Variants in C2orf72 observed in about 807,000 individuals in gnomAD.
C2orf72 encodes uncharacterized protein C2orf72.
A neutral mutation model predicts 14.4 loss-of-function variants in C2orf72; 16 were observed. The ratio of observed to expected loss-of-function variants is 1.11; its 90% confidence interval spans 0.75 to 1.69. C2orf72 has a LOEUF of 1.69. Ranked by LOEUF, C2orf72 falls within the 40% of genes most tolerant of loss-of-function variation. The pLI is 0.00. For missense variants in C2orf72, 371 were observed against 358.3 expected (o/e 1.04, Z -0.29); for synonymous variants, 168 against 176.8 (o/e 0.95, Z 0.40).
chr2:231,038,334 C>A, intron 1 of C2orf72, 135 bp downstream of exon 1: 1 of 705,756 alleles, frequency 1.4e-6, no homozygotes, highest in Non-Finnish European at 1.9e-6. Context: ...TGCCTAGAGC[C>A]AGGCCTCGCA....
intron 1 of C2orf72, among the ~76,000 whole-genome samples, chr2:231,040,051 G>A (rs1298013688): frequency 6.6e-6 from 1 of 152,040 alleles, no homozygotes; most frequent in Non-Finnish European, 1.5e-5. Context: ...TCCCTCCTAA[G>A]CTTTTTGTAG....
At chr2:231,039,362 C>T (rs1693309341) in intron 1 of C2orf72, among the ~76,000 whole-genome samples, 1 of 151,466 alleles carries the variant, frequency 6.6e-6, no homozygotes, top group Non-Finnish European at 1.5e-5. Context: ...CTGGCAAACC[C>T]GGGAGATCTT....
Position 231,037,827 on chromosome 2 carries a change from G to C in C2orf72, c.262G>C (p.Ala88Pro), listed in dbSNP as rs1021847535. 2.0e-6 allele frequency: 2 copies of C among 978,890 alleles called. No individual in the cohort carries two copies. Among genetic ancestry groups the C allele is most frequent in the African/African-American group, 1.8e-5 (1 of 55,924 alleles). 60.6% of individuals were successfully genotyped at this position (978,890 alleles called of 1,614,324 possible). Residue 88 changes from alanine (A) to proline (P), a missense_variant, in exon 1 of 3, where the codon GCG (alanine) becomes CCG (proline). Ala to Pro is a conservative substitution (Grantham distance 27). Coordinates refer to ENST00000373640, the MANE Select transcript of C2orf72 (RefSeq NM_001144994.2). ...AARGAQRAARAAGAAGAAAAA... is the reference protein window; with the variant it reads ...AARGAQRAARPAGAAGAAAAA... ...GCGCGGGGCGCAGAGGGCGGCGAGG[G>C]CGGCTGGGGCGGCGGGGGCGGCGGC...
At chr2:231,040,893 T>C (rs1052042100) in intron 1 of C2orf72, among the ~76,000 whole-genome samples, 2 of 152,228 alleles carry the variant, frequency 1.3e-5, no homozygotes, top group Admixed American at 1.3e-4. Context: ...ACCTAGTTCC[T>C]GTTGACTTTA....
chr2:231,037,531 G>T lies in C2orf72; in HGVS notation c.-35G>T, dbSNP rs2125134837. 1.0e-6 allele frequency: 1 copy of T among 998,622 alleles called. No homozygotes were observed. The highest frequency in any genetic ancestry group is 4.5e-5 in the South Asian group (1 of 22,126). 61.9% of individuals were successfully genotyped at this position (998,622 alleles called of 1,614,324 possible). A position where few individuals can be genotyped will look rare whatever the true frequency, so the allele number is the denominator to read the frequency against. ...AGAGGCGGGCAGCGGGTGCGCCCGG[G>T]CCGCGGCGGCCGCAGAGGGCGGGCG... On this transcript the variant is annotated 5_prime_UTR_variant, in exon 1 of 3. Transcript: ENST00000373640.
Position 231,038,088 on chromosome 2 carries a change from G to T in C2orf72, c.523G>T (p.Ala175Ser). 8.7e-7 allele frequency: 1 copy of T among 1,146,912 alleles called. No homozygotes were observed. Among genetic ancestry groups the T allele is most frequent in the Non-Finnish European group, 1.1e-6 (1 of 933,996 alleles). 71.0% of individuals were successfully genotyped at this position (1,146,912 alleles called of 1,614,324 possible). The part of the protein sequence containing the change: ...ALLRAVFGRQ[A>S]GGPVQAAAYC... ...GTTGCGCGCCGTGTTCGGCCGCCAG[G>T]CGGGGGGGCCCGTGCAGGCGGCCGC... The change falls in exon 1 of 3, where the codon GCG (alanine) becomes TCG (serine). Residue 175 changes from alanine (A) to serine (S), a missense_variant. Physicochemically the swap from Ala to Ser is moderately conservative, Grantham distance 99. This residue lies in a region of C2orf72 where 145 missense variants were observed against 149.4 expected (regional missense o/e 0.97). Coordinates refer to ENST00000373640, the MANE Select transcript of C2orf72 (RefSeq NM_001144994.2).
chr2:231,039,559 A>G lies in C2orf72; in HGVS notation c.634+1360A>G, dbSNP rs577477865. On this transcript the variant is annotated intron_variant, in intron 1 of 2. Coordinates refer to ENST00000373640, the MANE Select transcript of C2orf72 (RefSeq NM_001144994.2). ...TGTCACCTGTGATGCTGCCAATGTC[A>G]CATTCACCTGCCAGCCTGGCCTGCC... 2.0e-5 allele frequency among the ~76,000 whole-genome samples: 3 copies of G among 152,136 alleles called. No individual in the cohort carries two copies. In the South Asian group the frequency reaches 6.2e-4, roughly 32 times the overall value.
intron 2 of C2orf72, 117 bp from the exon 3 acceptor site, chr2:231,046,765 T>A (rs1375025783): frequency 9.7e-7 from 1 of 1,029,338 alleles, no homozygotes; most frequent in East Asian, 2.6e-5. Flanking sequence ...TTGATATGTA[T>A]TTTGTTTTGT....
At chr2:231,045,281 T>TTATA (rs201711257) in intron 2 of C2orf72, among the ~76,000 whole-genome samples, 1 of 150,840 alleles carries the variant, frequency 6.6e-6, no homozygotes, top group African/African-American at 2.4e-5. Context: ...AATAATAATT[T>TTATA]TATATATATA....
At chr2:231,041,741 A>G (rs1026315651) in intron 2 of C2orf72, among the ~76,000 whole-genome samples, 7 of 152,032 alleles carry the variant, frequency 4.6e-5, no homozygotes, top group South Asian at 2.1e-4. Context: ...TCCAGGGAGT[A>G]TCCTAGAGCA....
chr2:231,044,962 T>TATATACAC (rs985747494), intron 2 of C2orf72, among the ~76,000 whole-genome samples: 40 of 146,436 alleles, frequency 2.7e-4, no homozygotes, highest in African/African-American at 9.9e-4. Context: ...TATATATATA[T>TATATACAC]ACACACACAC....
At chr2:231,044,945 T>TATATATATATATATATATATATATA (rs1693392248) in intron 2 of C2orf72, among the ~76,000 whole-genome samples, 2 of 141,666 alleles carry the variant, frequency 1.4e-5, no homozygotes, top group African/African-American at 5.3e-5. Flanking sequence ...ATATATATCT[T>TATATATATATATATATATATATATA]TATATATATA....
chr2:231,046,760 A>T, intron 2 of C2orf72, 122 bp from the exon 3 acceptor site: 1 of 952,800 alleles, frequency 1.0e-6, no homozygotes, highest in Non-Finnish European at 1.5e-6. Context: ...GGTTTTTGAT[A>T]TGTATTTTGT....
chr2:231,046,776 T>G, intron 2 of C2orf72, 106 bp from the exon 3 acceptor site: 1 of 1,202,596 alleles, frequency 8.3e-7, no homozygotes, highest in South Asian at 1.6e-5. Context: ...TTTGTTTTGT[T>G]TTTTAAGTAG....
rs988652974 is a variant in C2orf72, at chr2:231,046,858, G to A, written c.749-24G>A. 9.8e-6 allele frequency: 15 copies of A among 1,537,646 alleles called. No homozygotes were observed. The Admixed American group carries it at 1.6e-4, about 17-fold the overall frequency. ...CTCACAACCTTTCTCTTCTGATTCA[G>A]TGATTTCTTCTCCTGTGTTCCAGAA... On this transcript the variant is annotated intron_variant, in intron 2 of 2. Coordinates refer to ENST00000373640, the MANE Select transcript of C2orf72 (RefSeq NM_001144994.2).
At chr2:231,038,294 C>A in intron 1 of C2orf72, 95 bp downstream of exon 1, 1 of 983,484 alleles carries the variant, frequency 1.0e-6, no homozygotes, top group Non-Finnish European at 1.3e-6. Context: ...TATTGAGCAC[C>A]GAGGTAAACT....
In C2orf72 at chr2:231,037,792, C is replaced by CCGGGGCGGCGCG; in HGVS notation, c.235_246dup (p.Ala79_Ala82dup). The CCGGGGCGGCGCG allele has an allele frequency of 1.0e-6, 1 of 983,086 alleles. No individual in the cohort carries two copies. Among genetic ancestry groups the CCGGGGCGGCGCG allele is most frequent in the Non-Finnish European group, 1.2e-6 (1 of 829,888 alleles). 60.9% of individuals were successfully genotyped at this position (983,086 alleles called of 1,614,324 possible). On this transcript the variant is annotated inframe_insertion, in exon 1 of 3. Transcript: ENST00000373640. Reference sequence around the variant, plus strand: ...GGCGCGGCGGCAGAGGGCGCGGGGCCCGGGGCGGCGCGCGGGGCGCAGAGG... The same window carrying CCGGGGCGGCGCG: ...GGCGCGGCGGCAGAGGGCGCGGGGCCCGGGGCGGCGCGCGGGGCGGCGCGCGGGGCGCAGAGG...
chr2:231,038,104 A>C lies in C2orf72; in HGVS notation c.539A>C (p.Gln180Pro). The C allele has an allele frequency of 8.9e-7, 1 of 1,128,422 alleles. No homozygotes were observed. The allele number at this position is 1,128,422 out of a possible 1,614,324, so 69.9% of individuals were successfully genotyped here. A position where few individuals can be genotyped will look rare whatever the true frequency, so the allele number is the denominator to read the frequency against. Residue 180 changes from glutamine to proline, a missense_variant, in exon 1 of 3, where the codon CAG (glutamine) becomes CCG (proline). Physicochemically the swap from Gln to Pro is moderately conservative, Grantham distance 76. Around this residue, in one of 3 missense-constraint regions of C2orf72, gnomAD observed 145 missense variants for 149.4 expected, o/e 0.97. Transcript: ENST00000373640. ...VFGRQAGGPV[Q>P]AAAYCPGLPA... ...GGCCGCCAGGCGGGGGGGCCCGTGC[A>C]GGCGGCCGCCTACTGCCCCGGCCTC...
intron 2 of C2orf72, among the ~76,000 whole-genome samples, chr2:231,044,546 T>C (rs1693384950): frequency 6.6e-6 from 1 of 152,140 alleles, no homozygotes; most frequent in Non-Finnish European, 1.5e-5. Flanking sequence ...CTTTTTAAAT[T>C]ATTAAAAGCT....
Sources: gnomAD v4.1 joint callset for allele counts (sites outside exome capture counted in the v4.1 genomes callset) on GRCh38, gnomAD v4.1.1 for gene constraint, gnomAD v4.1.1 regional missense constraint, MANE v1.5 for transcripts, NCBI Gene and HGNC (gene_info 2026-07-23, HGNC 2026-07-21) for gene names.